RARB: variants seen among roughly 807,000 people sequenced by gnomAD.
RARB encodes the protein HBV-activated protein.
RARB carries 17 observed loss-of-function variants against 51.9 expected under a neutral mutation model. The ratio of observed to expected loss-of-function variants is 0.33; its 90% confidence interval spans 0.22 to 0.49. RARB has a LOEUF of 0.49. Ranked by LOEUF, RARB falls within the 20% of genes least tolerant of loss-of-function variation. RARB has a pLI of 0.99. For synonymous variants in RARB, 215 were observed against 195.4 expected (o/e 1.10, Z -0.84); for missense variants, 369 against 550.8 (o/e 0.67, Z 3.30).
chr3:24,995,401 T>A (rs1381504353), intron 2 of RARB, among the ~76,000 whole-genome samples: 3 of 152,140 alleles, frequency 2.0e-5, no homozygotes, highest in Non-Finnish European at 4.4e-5. Context: ...ATGTATAATA[T>A]GTCATCTGCA....
chr3:24,946,595 G>A (rs1695780590), intron 2 of RARB, among the ~76,000 whole-genome samples: 1 of 152,134 alleles, frequency 6.6e-6, no homozygotes, highest in Admixed American at 6.5e-5. Context: ...TTGGTCGGGT[G>A]TGGTGGCTCA....
chr3:25,091,383 C>T (rs921517405), intron 3 of RARB, among the ~76,000 whole-genome samples: 12 of 152,098 alleles, frequency 7.9e-5, no homozygotes, highest in Non-Finnish European at 1.8e-4. Flanking sequence ...GCCCTCTTTC[C>T]GAGCTCAGGT....
At chr3:25,017,413 T>A (rs1394059667) in intron 2 of RARB, among the ~76,000 whole-genome samples, 3 of 152,148 alleles carry the variant, frequency 2.0e-5, no homozygotes, top group African/African-American at 7.2e-5. Flanking sequence ...TTTTCCCATT[T>A]TGATGAATCT....
intron 3 of RARB, among the ~76,000 whole-genome samples, chr3:25,104,914 A>C (rs1434919338): frequency 1.3e-5 from 2 of 152,174 alleles, no homozygotes; most frequent in African/African-American, 4.8e-5. Context: ...GAGTGGAGGT[A>C]ATGCCTGCAA....
At chr3:25,124,185 C>T (rs1298160506) in intron 3 of RARB, among the ~76,000 whole-genome samples, 2 of 152,044 alleles carry the variant, frequency 1.3e-5, no homozygotes, top group African/African-American at 2.4e-5. Flanking sequence ...CCATCCTGGC[C>T]AACATAGTGA....
intron 5 of RARB, among the ~76,000 whole-genome samples, chr3:25,397,960 A>G (rs912766675): frequency 6.6e-6 from 1 of 152,126 alleles, no homozygotes; most frequent in African/African-American, 2.4e-5. Flanking sequence ...TTCTTATATA[A>G]CCCTTAAAAT....
intron 3 of RARB, among the ~76,000 whole-genome samples, chr3:25,069,326 C>G (rs767367366): frequency 4.6e-5 from 7 of 152,180 alleles, no homozygotes; most frequent in Non-Finnish European, 8.8e-5. Flanking sequence ...AAGAAAATCT[C>G]ATTTTCATGA....
intron 5 of RARB, among the ~76,000 whole-genome samples, chr3:25,340,349 C>T (rs539701154): frequency 6.6e-6 from 1 of 152,242 alleles, no homozygotes; most frequent in African/African-American, 2.4e-5. Flanking sequence ...TTCAATTTCC[C>T]ATTTATGTGA....
intron 2 of RARB, among the ~76,000 whole-genome samples, chr3:25,016,896 T>G (rs1697521153): frequency 6.6e-6 from 1 of 152,120 alleles, no homozygotes; most frequent in Non-Finnish European, 1.5e-5. Context: ...TACTATCCCC[T>G]TAGATCCTCT....
intron 5 of RARB, among the ~76,000 whole-genome samples, chr3:25,286,021 A>G (rs1464292398): frequency 1.3e-5 from 2 of 150,946 alleles, no homozygotes; most frequent in Non-Finnish European, 2.9e-5. Context: ...CATTTGTGTC[A>G]GTCGGAGGCT....
At chr3:25,037,820 C>G (rs766998896) in intron 2 of RARB, among the ~76,000 whole-genome samples, 2 of 152,068 alleles carry the variant, frequency 1.3e-5, no homozygotes, top group Non-Finnish European at 2.9e-5. Context: ...ACAAGGTGTC[C>G]TTTGTGTTGG....
chr3:25,035,435 T>C (rs1559442307), intron 2 of RARB, among the ~76,000 whole-genome samples: 2 of 71,724 alleles, frequency 2.8e-5, no homozygotes, highest in Admixed American at 1.6e-4. Flanking sequence ...TTTTTTTTTT[T>C]TTTTTTTTTT....
intron 5 of RARB, among the ~76,000 whole-genome samples, chr3:25,419,648 T>C (rs557145538): frequency 7.2e-5 from 11 of 152,292 alleles, no homozygotes; most frequent in African/African-American, 2.2e-4. Flanking sequence ...TGCACCTGAA[T>C]AGACCCCCAA....
chr3:25,380,591 GAAA>G (rs1293046522), intron 5 of RARB, among the ~76,000 whole-genome samples: 1 of 147,122 alleles, frequency 6.8e-6, no homozygotes, highest in Non-Finnish European at 1.5e-5. Context: ...TCTTGCTCAA[GAAA>G]AAAAATAAAC....
intron 5 of RARB, among the ~76,000 whole-genome samples, chr3:25,366,354 C>G (rs1473452): frequency 0.38 from 58,429 of 152,040 alleles, 11,754 homozygotes; most frequent in East Asian, 0.75. Context: ...CCTTCTACCC[C>G]TCAGGATTAC....
chr3:24,948,638 C>G (rs1695824575), intron 2 of RARB, among the ~76,000 whole-genome samples: 1 of 152,128 alleles, frequency 6.6e-6, no homozygotes, highest in South Asian at 2.1e-4. Context: ...GATGTTTGTC[C>G]CCTCCGAATC....
At chr3:25,105,160 A>G (rs1447313391) in intron 3 of RARB, among the ~76,000 whole-genome samples, 4 of 152,122 alleles carry the variant, frequency 2.6e-5, no homozygotes, top group Admixed American at 1.3e-4. Context: ...TTAGTGTCAG[A>G]CAGTTTTTAC....
intron 2 of RARB, among the ~76,000 whole-genome samples, chr3:24,935,685 C>G (rs576103651): frequency 2.6e-5 from 4 of 152,124 alleles, no homozygotes; most frequent in African/African-American, 9.7e-5. Context: ...GATGGGAAAT[C>G]GGTGGAGTGT....
chr3:25,185,498 G>T (rs910107743), intron 5 of RARB, among the ~76,000 whole-genome samples: 1 of 151,990 alleles, frequency 6.6e-6, no homozygotes, highest in Non-Finnish European at 1.5e-5. Flanking sequence ...TTGTGAAATT[G>T]GCCAACCAAA....
Sources: gnomAD v4.1 joint callset for allele counts (sites outside exome capture counted in the v4.1 genomes callset) on GRCh38, gnomAD v4.1.1 for gene constraint, MANE v1.5 for transcripts, NCBI Gene and HGNC (gene_info 2026-07-23, HGNC 2026-07-21) for gene names.